Variants in POLR2D observed in about 807,000 individuals in gnomAD.
POLR2D encodes the protein DNA-directed RNA polymerase II subunit RPB4.
Under a neutral mutation model 17.6 loss-of-function variants are expected in POLR2D, and 10 were observed. The ratio of observed to expected loss-of-function variants is 0.57; its 90% CI spans 0.35 to 0.96. The LOEUF (loss-of-function observed/expected upper bound fraction) is 0.96. POLR2D is among the 40% of genes least tolerant of loss of function. The probability of loss-of-function intolerance (pLI) is 0.02; values close to 1 mark genes in which losing one functional copy is unlikely to be tolerated. For missense variants in POLR2D, 126 were observed against 176.4 expected (o/e 0.71, Z 1.62); for synonymous variants, 52 against 60.2 (o/e 0.86, Z 0.63).
chr2:127,855,001 CA>C (rs58280789), intron 1 of POLR2D, among the ~76,000 whole-genome samples: 7,068 of 70,870 alleles, frequency 0.1, 431 homozygotes, highest in African/African-American at 0.27. Context: ...GACATCAGGC[CA>C]AAAAAAAAAA....
intron 2 of POLR2D, among the ~76,000 whole-genome samples, chr2:127,851,284 T>C (rs1259068400): frequency 6.6e-6 from 1 of 151,906 alleles, no homozygotes; most frequent in African/African-American, 2.4e-5. Context: ...CCGGGTGTGG[T>C]GGTGTGTGTC....
In POLR2D at chr2:127,858,121, C is replaced by A. The variant is rs1316968501; in HGVS notation, c.-21G>T. The A allele has an allele frequency of 6.8e-7, 1 of 1,462,158 alleles. No individual in the cohort carries two copies. Among genetic ancestry groups the A allele is most frequent in the Non-Finnish European group, 9.0e-7 (1 of 1,105,994 alleles). 90.6% of individuals were successfully genotyped at this position (1,462,158 alleles called of 1,614,324 possible). ...GCCATCGCCGCGCCGCGCCGCGCGCCACCACCAGCGCCGCCGGAAGCAGAA... is the reference window on the plus strand; with the variant it reads ...GCCATCGCCGCGCCGCGCCGCGCGCAACCACCAGCGCCGCCGGAAGCAGAA... On this transcript the variant is annotated 5_prime_UTR_variant, in exon 1 of 4. Coordinates refer to ENST00000272645, the MANE Select transcript of POLR2D (RefSeq NM_004805.4).
intron 1 of POLR2D, 61 bp downstream of exon 1, chr2:127,857,967 C>A (rs1383733816): frequency 9.7e-6 from 15 of 1,554,248 alleles, no homozygotes; most frequent in South Asian, 2.4e-5. Context: ...GCGCGCATAA[C>A]GCCAGGCCTG....
intron 1 of POLR2D, among the ~76,000 whole-genome samples, chr2:127,857,423 G>C (rs192541520): frequency 6.6e-6 from 1 of 152,204 alleles, no homozygotes; most frequent in Admixed American, 6.5e-5. Context: ...ACCACTTAAA[G>C]TGCGTGCGTG....
rs947452647 is a variant in POLR2D, at chr2:127,848,038, C to A, written c.*69G>T. ...CAACAGAATTTCTGTGCAAGTCAGC[C>A]CCAGACAGTGGGAAGGTGGTGTTAT... On this transcript the variant is annotated 3_prime_UTR_variant, in exon 4 of 4. Coordinates refer to ENST00000272645, the MANE Select transcript of POLR2D (RefSeq NM_004805.4). The A allele has an allele frequency of 1.6e-5, 17 of 1,051,722 alleles. No homozygotes were observed. The highest frequency in any genetic ancestry group is 2.5e-5 in the Non-Finnish European group (17 of 667,688). 65.1% of individuals were successfully genotyped at this position (1,051,722 alleles called of 1,614,324 possible).
At position 127,844,107 on chromosome 2, in the gene POLR2D, C is replaced by CAAAAAAAAAAAAAAAAAAA. The variant is rs76109896; in HGVS notation, c.*3981_*3999dup. 4.0e-4 allele frequency: 28 copies of CAAAAAAAAAAAAAAAAAAA among 69,476 alleles called. 3 individuals are homozygous for CAAAAAAAAAAAAAAAAAAA. The highest frequency in any genetic ancestry group is 1.6e-3 in the African/African-American group (25 of 15,660). 4.3% of individuals were successfully genotyped at this position (69,476 alleles called of 1,614,324 possible). The stretch of plus-strand genomic sequence containing the variant: ...CGACAGAGCAAGATCCTGCTGTATC[C>CAAAAAAAAAAAAAAAAAAA]AAAAAAAAAAAAAAAAAAAGCCTGG... On this transcript the variant is annotated 3_prime_UTR_variant, in exon 4 of 4. Transcript: ENST00000272645.
In POLR2D at chr2:127,847,781, T is replaced by A. The variant is rs1690180481; in HGVS notation, c.*326A>T. ...CACCCTGAAATTAAAACATGAAATA[T>A]TAAGAAAAAAGATGATGTGGAGGCC... is the stretch of plus-strand genomic sequence containing the variant. On this transcript the variant is annotated 3_prime_UTR_variant, in exon 4 of 4. Transcript: ENST00000272645. The A allele has an allele frequency of 3.3e-6, 1 of 300,788 alleles. No individual in the cohort carries two copies. The highest frequency in any genetic ancestry group is 2.2e-5 in the African/African-American group (1 of 44,718). The allele number at this position is 300,788 out of a possible 1,614,324, so 18.6% of individuals were successfully genotyped here. A position where few individuals can be genotyped will look rare whatever the true frequency, so the allele number is the denominator to read the frequency against.
rs780628707 is a variant in POLR2D at position 127,852,987 on chromosome 2, T to C, written c.192A>G (p.Thr64=). 1.2e-6 allele frequency: 2 copies of C among 1,614,142 alleles called. No homozygotes were observed. The highest frequency in any genetic ancestry group is 1.1e-5 in the South Asian group (1 of 91,076). The change falls in exon 2 of 4, where the codon ACA becomes ACG. Residue 64 remains threonine (T), a synonymous_variant. Coordinates refer to ENST00000272645, the MANE Select transcript of POLR2D (RefSeq NM_004805.4). This position sits in a 1 kb window ranked among gnomAD's most constrained non-coding sequence, Gnocchi z 4.0. ...EQELSEVFMK[T]LNYTARFSRF... is the part of the protein sequence containing the mutation. ...GACTGAAACGGGCTGTGTAGTTTAATGTTTTCATGAAGACTTCTGAGAGCT... is the reference window on the plus strand; with the variant it reads ...GACTGAAACGGGCTGTGTAGTTTAACGTTTTCATGAAGACTTCTGAGAGCT...
At chr2:127,851,004 G>A (rs542593870) in intron 2 of POLR2D, among the ~76,000 whole-genome samples, 12 of 151,692 alleles carry the variant, frequency 7.9e-5, no homozygotes, top group South Asian at 2.1e-4. Flanking sequence ...GTGGATCAAC[G>A]GAGGTCAGGA....
intron 1 of POLR2D, among the ~76,000 whole-genome samples, chr2:127,855,001 CAAAA>C (rs58280789): frequency 4.2e-5 from 3 of 70,946 alleles, no homozygotes; most frequent in Non-Finnish European, 3.2e-5. Flanking sequence ...GACATCAGGC[CAAAA>C]AAAAAAAAAA....
At chr2:127,855,792 C>A (rs1411454548) in intron 1 of POLR2D, among the ~76,000 whole-genome samples, 1 of 136,390 alleles carries the variant, frequency 7.3e-6, no homozygotes, top group East Asian at 2.0e-4. Flanking sequence ...GGCGCGCACA[C>A]GCGCGCACAT....
chr2:127,851,981 A>G (rs1690259763), intron 2 of POLR2D, among the ~76,000 whole-genome samples: 1 of 152,010 alleles, frequency 6.6e-6, no homozygotes, highest in African/African-American at 2.4e-5. Context: ...AGTAGACGAG[A>G]TTTCACCATT....
intron 3 of POLR2D, 60 bp downstream of exon 3, chr2:127,850,530 C>T (rs1690236013): frequency 1.4e-6 from 1 of 730,018 alleles, no homozygotes; most frequent in African/African-American, 1.8e-5. Context: ...TTTAGACACA[C>T]CAATTCTATT....
Position 127,853,523 on chromosome 2 carries a change from T to A in POLR2D, c.74-418A>T, listed in dbSNP as rs181380290. Among the ~76,000 whole-genome samples the A allele has an allele frequency of 1.2e-4, 18 of 152,292 alleles. No individual in the cohort carries two copies. The East Asian group carries it at 3.5e-3, about 29-fold the overall frequency. Reference sequence around the variant, plus strand: ...CTTAAGTGAATGGCCTCCAGCTCCATCCATGTTGCTGCAAAAGATATGATT... The same window carrying A: ...CTTAAGTGAATGGCCTCCAGCTCCAACCATGTTGCTGCAAAAGATATGATT... On this transcript the variant is annotated intron_variant, in intron 1 of 3. Coordinates refer to ENST00000272645, the MANE Select transcript of POLR2D (RefSeq NM_004805.4).
intron 1 of POLR2D, among the ~76,000 whole-genome samples, chr2:127,854,422 T>C (rs780911558): frequency 6.6e-6 from 1 of 152,176 alleles, no homozygotes; most frequent in African/African-American, 2.4e-5. Flanking sequence ...AACCCCACAC[T>C]GAAGAGGAAG....
At position 127,846,336 on chromosome 2, in the gene POLR2D, AC is replaced by A. The variant is rs1414685823; in HGVS notation, c.*1770del. 3 of 152,142 alleles carry A rather than the reference AC, an allele frequency of 2.0e-5. No homozygotes were observed. The highest frequency in any genetic ancestry group is 4.4e-5 in the Non-Finnish European group (3 of 68,018). 9.4% of individuals were successfully genotyped at this position (152,142 alleles called of 1,614,324 possible). A position where few individuals can be genotyped will look rare whatever the true frequency, so the allele number is the denominator to read the frequency against. On this transcript the variant is annotated 3_prime_UTR_variant, in exon 4 of 4. Transcript: ENST00000272645. ...AAAACCATCCTGATTTTAAAAGCCA[AC>A]ACTGTTCTTTCTCCTTTTTCCTTGG...
At chr2:127,849,686 T>C (rs1375024380) in intron 3 of POLR2D, among the ~76,000 whole-genome samples, 6 of 152,164 alleles carry the variant, frequency 3.9e-5, no homozygotes, top group African/African-American at 4.8e-5. Flanking sequence ...ATTGTATGAT[T>C]ATACAATGAT....
Position 127,843,806 on chromosome 2 carries a change from GC to G in POLR2D, c.*4300del. On this transcript the variant is annotated 3_prime_UTR_variant, in exon 4 of 4. Coordinates refer to ENST00000272645, the MANE Select transcript of POLR2D (RefSeq NM_004805.4). The stretch of plus-strand genomic sequence containing the variant: ...AATATCCCTCATGAAGGGGATTAAT[GC>G]CCTTATAAAAGAGGCTGCGGGCTGG... 6.5e-6 allele frequency: 1 copy of G among 153,632 alleles called. No homozygotes were observed. Among genetic ancestry groups the G allele is most frequent in the Non-Finnish European group, 1.5e-5 (1 of 68,004 alleles). 9.5% of individuals were successfully genotyped at this position (153,632 alleles called of 1,614,324 possible).
chr2:127,848,955 C>T (rs1047235408), intron 3 of POLR2D, among the ~76,000 whole-genome samples: 8 of 151,914 alleles, frequency 5.3e-5, no homozygotes, highest in Non-Finnish European at 8.8e-5. Flanking sequence ...CCACCACGCC[C>T]GGCCCTGCAT....
Sources: gnomAD v4.1 joint callset for allele counts (sites outside exome capture counted in the v4.1 genomes callset) on GRCh38, gnomAD v4.1.1 for gene constraint, Gnocchi (gnomAD v3.1) non-coding constraint, MANE v1.5 for transcripts, NCBI Gene and HGNC (gene_info 2026-07-23, HGNC 2026-07-21) for gene names.